The following DST variants were observed in gnomAD, a reference collection of about 807,000 sequenced individuals.
DST encodes the protein dystonin, also known as bullous pemphigoid antigen.
A neutral mutation model predicts 875.2 loss-of-function variants in DST; 253 were observed. That is an observed-to-expected ratio of 0.29 (90% CI 0.26 to 0.32). The LOEUF (loss-of-function observed/expected upper bound fraction) is 0.32, where lower values mean the gene tolerates loss of function less well. DST is among the 10% of genes least tolerant of loss of function. The pLI is 1.00. For synonymous variants in DST, 3,124 were observed against 3,197.1 expected (o/e 0.98, Z 0.77); for missense variants, 8,287 against 9,111.6 (o/e 0.91, Z 3.68).
At position 56,771,326 on chromosome 6, in the gene DST, T is replaced by C. The variant is rs977395874; in HGVS notation, c.626-36037A>G. On this transcript the variant is annotated intron_variant, in intron 4 of 103. Coordinates refer to ENST00000680361, the MANE Select transcript of DST (RefSeq NM_001374736.1). The stretch of plus-strand genomic sequence containing the variant: ...CAGGGCCCCCAATTTAGGCTAATGA[T>C]AATCCTCACACTAGTATGTGACTAA... 5.9e-5 allele frequency among the ~76,000 whole-genome samples: 9 copies of C among 152,270 alleles called. No homozygotes were observed. The East Asian group carries it at 1.5e-3, about 26-fold the overall frequency.
intron 89 of DST, 133 bp downstream of exon 89, chr6:56,482,550 T>C (rs2095436221): frequency 7.3e-6 from 6 of 826,886 alleles, no homozygotes. Flanking sequence ...AAGGCAATGT[T>C]GCTATTAGAA....
chr6:56,470,007 T>C, intron 96 of DST, 50 bp from the exon 97 acceptor site: 5 of 1,605,856 alleles, frequency 3.1e-6, no homozygotes, highest in Non-Finnish European at 4.3e-6. Flanking sequence ...TATTACATAG[T>C]ACAATCCTTA....
chr6:56,519,459 C>T (rs1310642103), intron 69 of DST, among the ~76,000 whole-genome samples: 1 of 152,118 alleles, frequency 6.6e-6, no homozygotes, highest in African/African-American at 2.4e-5. Flanking sequence ...AATTTTCATC[C>T]CCAGATCATC....
intron 102 of DST, chr6:56,461,980 G>A (rs1251129648): frequency 6.6e-6 from 1 of 152,206 alleles, no homozygotes; most frequent in African/African-American, 2.4e-5. Flanking sequence ...ATGGAGTCAT[G>A]AAGGTAACAC....
intron 9 of DST, chr6:56,692,399 C>CTGTG (rs1424973784): frequency 7.8e-7 from 1 of 1,274,670 alleles, no homozygotes; most frequent in Non-Finnish European, 1.0e-6. Flanking sequence ...TCATTTCCAT[C>CTGTG]TGTGTCCTTA....
At chr6:56,563,314 G>C (rs867191566) in intron 55 of DST, among the ~76,000 whole-genome samples, 17 of 152,290 alleles carry the variant, frequency 1.1e-4, no homozygotes, top group Admixed American at 5.9e-4. Flanking sequence ...TTGTGGTTTT[G>C]ATCTGCGTTT....
rs546292553 is a variant in DST at position 56,876,867 on chromosome 6, T to C, written c.417+23554A>G. 3.3e-5 allele frequency among the ~76,000 whole-genome samples: 5 copies of C among 152,318 alleles called. No homozygotes were observed. In the East Asian group the frequency reaches 9.6e-4, roughly 29 times the overall value. ...TTTCATCTCCCTAAAATATCTCAAA[T>C]GTCTCCCATCTTATGAAAGACCTTT... On this transcript the variant is annotated intron_variant, in intron 3 of 103. Coordinates refer to ENST00000680361, the MANE Select transcript of DST (RefSeq NM_001374736.1).
rs1421401238 is a variant in DST at position 56,487,254 on chromosome 6, C to A, written c.20897G>T (p.Gly6966Val). ...AQHKEFQKSL[G>V]AKHSVYDTTN... ...GGTGTCGTAGACAGAATGCTTGGCT[C>A]CGAGTGATTTCTGAAACTCCTAAAT... Residue 6966 changes from glycine to valine, a missense_variant, in exon 87 of 104, where the codon GGA (glycine) becomes GTA (valine). Gly to Val is a moderately radical substitution (Grantham distance 109). Coordinates refer to ENST00000680361, the MANE Select transcript of DST (RefSeq NM_001374736.1). 2 of 1,562,780 alleles carry A rather than the reference C, an allele frequency of 1.3e-6. No homozygotes were observed. Among genetic ancestry groups the A allele is most frequent in the East Asian group, 2.3e-5 (1 of 43,846 alleles).
intron 4 of DST, among the ~76,000 whole-genome samples, chr6:56,807,403 T>C (rs981501455): frequency 6.6e-6 from 1 of 152,164 alleles, no homozygotes; most frequent in Non-Finnish European, 1.5e-5. Flanking sequence ...ATAAACTGAT[T>C]TAAAAATTTA....
In DST at chr6:56,609,215, A is replaced by T. The variant is rs917249886; in HGVS notation, c.5413T>A (p.Ser1805Thr). The change falls in exon 40 of 104, where the codon TCT becomes ACT. Residue 1805 changes from serine (S) to threonine (T), a missense_variant. Coordinates refer to ENST00000680361, the MANE Select transcript of DST (RefSeq NM_001374736.1). ...CTTAATTCTGGTGAAATTAGACCAG[A>T]AATCATTAGCTGTGTCTCAAGCAAC... ...IRLLETQLMI[S>T]GLISPELRKC... 4 of 1,613,716 alleles carry T rather than the reference A, an allele frequency of 2.5e-6. No homozygotes were observed. The highest frequency in any genetic ancestry group is 1.6e-4 in the Middle Eastern group (1 of 6,082).
chr6:56,688,352 T>C (rs923037183), intron 9 of DST, among the ~76,000 whole-genome samples: 1 of 152,194 alleles, frequency 6.6e-6, no homozygotes, highest in African/African-American at 2.4e-5. Flanking sequence ...CTAAGCTTCA[T>C]AAAAGAGTTG....
chr6:56,525,769 G>C (rs555305058), intron 69 of DST, among the ~76,000 whole-genome samples: 1 of 152,280 alleles, frequency 6.6e-6, no homozygotes, highest in Admixed American at 6.5e-5. Flanking sequence ...ATTGCCCACA[G>C]TCTTCCCAGG....
intron 5 of DST, among the ~76,000 whole-genome samples, chr6:56,733,744 T>G (rs540537525): frequency 6.6e-6 from 1 of 151,674 alleles, no homozygotes; most frequent in South Asian, 2.1e-4. Flanking sequence ...ATAATATACC[T>G]TTTACAAAAA....
chr6:56,832,993 C>T (rs1026165084), intron 4 of DST, among the ~76,000 whole-genome samples: 4 of 152,222 alleles, frequency 2.6e-5, no homozygotes, highest in African/African-American at 9.6e-5. Context: ...CCTGCCTTGG[C>T]CTTCCAAAGT....
intron 4 of DST, among the ~76,000 whole-genome samples, chr6:56,772,453 A>C (rs1208542263): frequency 1.3e-5 from 2 of 152,178 alleles, no homozygotes; most frequent in Non-Finnish European, 2.9e-5. Context: ...ACTCTCTTCG[A>C]TCTGCTCCTA....
intron 2 of DST, among the ~76,000 whole-genome samples, chr6:56,937,261 G>A (rs1295053397): frequency 2.0e-5 from 3 of 151,610 alleles, no homozygotes; most frequent in African/African-American, 4.8e-5. Flanking sequence ...ATAAAAATAG[G>A]CAAACTATGT....
At chr6:56,531,442 C>T (rs934750220) in intron 64 of DST, among the ~76,000 whole-genome samples, 12 of 152,166 alleles carry the variant, frequency 7.9e-5, no homozygotes, top group Non-Finnish European at 1.2e-4. Context: ...TTACACAGAA[C>T]GGTTAATCTG....
chr6:56,513,097 C>CA (rs1345950587), intron 72 of DST, among the ~76,000 whole-genome samples: 1 of 152,188 alleles, frequency 6.6e-6, no homozygotes, highest in Non-Finnish European at 1.5e-5. Context: ...AGCTTTCACT[C>CA]AAGAGTTATC....
At chr6:56,485,628 C>T (rs1325838926) in intron 87 of DST, among the ~76,000 whole-genome samples, 157 bp from the exon 88 acceptor site, 1 of 152,190 alleles carries the variant, frequency 6.6e-6, no homozygotes, top group Non-Finnish European at 1.5e-5. Context: ...AGGAAAAAGA[C>T]AAAACTTTTC....
Sources: gnomAD v4.1 joint callset for allele counts (sites outside exome capture counted in the v4.1 genomes callset) on GRCh38, gnomAD v4.1.1 for gene constraint, MANE v1.5 for transcripts, NCBI Gene and HGNC (gene_info 2026-07-23, HGNC 2026-07-21) for gene names.